The following DPH6 variants were observed in gnomAD, a reference collection of about 807,000 sequenced individuals.
DPH6 encodes the protein diphthine--ammonia ligase.
In DPH6, 33 loss-of-function variants were observed where a neutral mutation model predicts 38.2. That is an observed-to-expected ratio of 0.86 (90% CI 0.65 to 1.15). The LOEUF (loss-of-function observed/expected upper bound fraction) is 1.15, where lower values mean the gene tolerates loss of function less well. Ranked by LOEUF, DPH6 falls within the 50% of genes most tolerant of loss-of-function variation. The pLI is 0.00. For synonymous variants in DPH6, 108 were observed against 103.0 expected, an observed-to-expected ratio of 1.05 and a Z score of -0.30; for missense variants, 325 against 320.0, an observed-to-expected ratio of 1.02 and a Z score of -0.12.
the DPH6 span, among the ~76,000 whole-genome samples, chr15:35,200,424 T>C: frequency 6.6e-6 from 1 of 152,136 alleles, no homozygotes; most frequent in Non-Finnish European, 1.5e-5. Flanking sequence ...ACTCCTTTGT[T>C]GGACTGTATC....
At chr15:35,352,685 G>A (rs1232911532) in intron 3 of DPH6, among the ~76,000 whole-genome samples, 1 of 152,130 alleles carries the variant, frequency 6.6e-6, no homozygotes, top group Non-Finnish European at 1.5e-5. Flanking sequence ...TATCATTGTT[G>A]GACATTTGGC....
At chr15:35,203,470 A>AT in the DPH6 span, among the ~76,000 whole-genome samples, 706 of 151,850 alleles carry the variant, frequency 4.6e-3, 3 homozygotes, top group Admixed American at 9.8e-3. Context: ...CAAATGAAAC[A>AT]TATCACTCTG....
chr15:35,423,257 C>T (rs907471230), intron 5 of DPH6, among the ~76,000 whole-genome samples: 20 of 151,710 alleles, frequency 1.3e-4, no homozygotes, highest in Middle Eastern at 3.4e-3. Flanking sequence ...TGACGTGATA[C>T]CTCATTGTGG....
chr15:35,537,956 A>C, intron 3 of DPH6: 1 of 174,486 alleles, frequency 5.7e-6, no homozygotes. Context: ...GTAGGCATTC[A>C]AAAAATATTT....
At chr15:35,216,947 A>G (rs7167862), downstream of DPH6, among the ~76,000 whole-genome samples, 25,715 of 152,150 alleles carry the variant, frequency 0.17, 2,392 homozygotes, top group South Asian at 0.29. Flanking sequence ...AATGTAAAGG[A>G]AAGGACCTAG....
At chr15:35,519,617 G>A (rs2054893520) in intron 3 of DPH6, 1 of 152,056 alleles carries the variant, frequency 6.6e-6, no homozygotes, top group South Asian at 2.1e-4. Flanking sequence ...TGTCTACTTA[G>A]GAAAAAGGGG....
chr15:35,345,367 T>C (rs2140883657), intron 3 of DPH6, among the ~76,000 whole-genome samples: 1 of 152,036 alleles, frequency 6.6e-6, no homozygotes, highest in South Asian at 2.1e-4. Context: ...TTTATTTTTC[T>C]TGCCCATTCC....
intron 7 of DPH6, among the ~76,000 whole-genome samples, chr15:35,374,154 G>C (rs1382058395): frequency 1.3e-5 from 2 of 151,960 alleles, no homozygotes; most frequent in Admixed American, 6.6e-5. Context: ...GGTATGAACT[G>C]CATGCTGGCA....
At chr15:35,481,827 A>G (rs1400432091) in intron 3 of DPH6, among the ~76,000 whole-genome samples, 1 of 152,202 alleles carries the variant, frequency 6.6e-6, no homozygotes, top group Non-Finnish European at 1.5e-5. Flanking sequence ...ACTTTTTAAA[A>G]TATTAAAATC....
At chr15:35,301,304 C>T (rs1168030106) in intron 3 of DPH6, among the ~76,000 whole-genome samples, 1 of 152,218 alleles carries the variant, frequency 6.6e-6, no homozygotes, top group Non-Finnish European at 1.5e-5. Context: ...ACTGTGCAGA[C>T]ATACTGAGCT....
At chr15:35,412,521 C>G (rs2053380134) in intron 5 of DPH6, among the ~76,000 whole-genome samples, 1 of 151,684 alleles carries the variant, frequency 6.6e-6, no homozygotes, top group Non-Finnish European at 1.5e-5. Context: ...GCACAAAAAC[C>G]TGCACATGGA....
At chr15:35,176,714 G>A in the DPH6 span, among the ~76,000 whole-genome samples, 17 of 152,164 alleles carry the variant, frequency 1.1e-4, no homozygotes, top group Admixed American at 3.3e-4. Flanking sequence ...CAGGTGATCC[G>A]CCCGCCTTGG....
intron 5 of DPH6, among the ~76,000 whole-genome samples, chr15:35,415,242 C>T (rs1250191904): frequency 6.6e-6 from 1 of 151,790 alleles, no homozygotes; most frequent in African/African-American, 2.4e-5. Flanking sequence ...TTAGCCTTCC[C>T]TCTAACTGTG....
chr15:35,477,205 C>T (rs1408053929), intron 3 of DPH6, among the ~76,000 whole-genome samples: 1 of 151,620 alleles, frequency 6.6e-6, no homozygotes, highest in African/African-American at 2.4e-5. Flanking sequence ...ACAATTAATA[C>T]AATAACTATA....
chr15:35,304,246 T>G (rs2052073055), intron 3 of DPH6, among the ~76,000 whole-genome samples: 1 of 152,122 alleles, frequency 6.6e-6, no homozygotes, highest in African/African-American at 2.4e-5. Flanking sequence ...ACAGATTATA[T>G]TACAGATTCC....
At chr15:35,488,327 T>C (rs1220902757) in intron 3 of DPH6, among the ~76,000 whole-genome samples, 2 of 152,182 alleles carry the variant, frequency 1.3e-5, no homozygotes, top group Non-Finnish European at 2.9e-5. Context: ...GTACCAATTT[T>C]CTCTATTTGT....
chr15:35,325,260 T>TAAA (rs1337655493), intron 3 of DPH6, among the ~76,000 whole-genome samples: 3 of 152,130 alleles, frequency 2.0e-5, no homozygotes, highest in Non-Finnish European at 2.9e-5. Flanking sequence ...TGCAAAGGGT[T>TAAA]AAAAAATACC....
chr15:35,279,085 A>ATAT (rs2051880208), intron 3 of DPH6, among the ~76,000 whole-genome samples: 1 of 145,502 alleles, frequency 6.9e-6, no homozygotes, highest in Non-Finnish European at 1.5e-5. Flanking sequence ...ATATATATAT[A>ATAT]ATTTTGGAGC....
downstream of DPH6, among the ~76,000 whole-genome samples, chr15:35,328,604 T>G (rs994868068): frequency 6.6e-6 from 1 of 152,132 alleles, no homozygotes; most frequent in Non-Finnish European, 1.5e-5. Flanking sequence ...AAATAAAGAC[T>G]CAAATTATTT....
Sources: gnomAD v4.1 joint callset for allele counts (sites outside exome capture counted in the v4.1 genomes callset) on GRCh38, gnomAD v4.1.1 for gene constraint, MANE v1.5 for transcripts, NCBI Gene and HGNC (gene_info 2026-07-23, HGNC 2026-07-21) for gene names.